SLC60A2: variants seen among roughly 807,000 people sequenced by gnomAD.
SLC60A2 encodes major facilitator superfamily domain containing 4B.
the SLC60A2 span, among the ~76,000 whole-genome samples, chr6:111,272,870 A>C: frequency 6.7e-6 from 1 of 148,718 alleles, no homozygotes; most frequent in Non-Finnish European, 1.5e-5. Context: ...TGCTCTTGTC[A>C]CCCAGGCTGG....
chr6:111,264,747 C>T, the SLC60A2 span, among the ~76,000 whole-genome samples: 74 of 149,178 alleles, frequency 5.0e-4, no homozygotes, highest in Non-Finnish European at 9.6e-4. Flanking sequence ...GAGATCACAC[C>T]ACTGCACTTC....
At chr6:111,278,268 G>T in the SLC60A2 span, 1 of 152,164 alleles carries the variant, frequency 6.6e-6, no homozygotes, top group Admixed American at 6.5e-5. Flanking sequence ...ATTCATAAAG[G>T]TTATGGCAAA....
At chr6:111,274,948 G>A in the SLC60A2 span, among the ~76,000 whole-genome samples, 1 of 152,048 alleles carries the variant, frequency 6.6e-6, no homozygotes. Flanking sequence ...TTAGAGACAG[G>A]ATCTCCCTCT....
the SLC60A2 span, chr6:111,270,136 A>T: frequency 1.3e-5 from 2 of 152,168 alleles, no homozygotes; most frequent in Non-Finnish European, 2.9e-5. Flanking sequence ...CTTCTCACAG[A>T]TGCCTCTCAC....
At chr6:111,259,993 C>T in the SLC60A2 span, among the ~76,000 whole-genome samples, 1 of 150,946 alleles carries the variant, frequency 6.6e-6, no homozygotes. Context: ...TCACTGCAAC[C>T]TCTGCCCCCA....
At chr6:111,259,813 T>G in the SLC60A2 span, 1 of 1,252,792 alleles carries the variant, frequency 8.0e-7, no homozygotes, top group Admixed American at 2.4e-5. Context: ...GCGCGTTACC[T>G]AATCTGACTG....
At chr6:111,276,652 TAC>T in the SLC60A2 span, among the ~76,000 whole-genome samples, 1 of 152,226 alleles carries the variant, frequency 6.6e-6, no homozygotes, top group African/African-American at 2.4e-5. Flanking sequence ...CAGTAGCAGG[TAC>T]AGCTTTGATC....
At chr6:111,266,147 A>C in the SLC60A2 span, 5 of 1,612,790 alleles carry the variant, frequency 3.1e-6, no homozygotes, top group Non-Finnish European at 4.2e-6. Flanking sequence ...ACATGTTCTT[A>C]GTTTCTGTCA....
the SLC60A2 span, among the ~76,000 whole-genome samples, chr6:111,277,228 C>T: frequency 6.6e-6 from 1 of 152,342 alleles, no homozygotes; most frequent in African/African-American, 2.4e-5. Flanking sequence ...TGAAAATTGG[C>T]AGGTCCTGGG....
chr6:111,261,905 A>G, the SLC60A2 span, among the ~76,000 whole-genome samples: 1 of 152,120 alleles, frequency 6.6e-6, no homozygotes, highest in South Asian at 2.1e-4. Flanking sequence ...TTAAATTTTT[A>G]ATACCCAAAT....
the SLC60A2 span, chr6:111,266,365 C>T: frequency 6.2e-7 from 1 of 1,614,110 alleles, no homozygotes; most frequent in South Asian, 1.1e-5. Flanking sequence ...AGTGAAGCTG[C>T]TGGGTTGAAC....
the SLC60A2 span, among the ~76,000 whole-genome samples, chr6:111,271,792 A>G: frequency 9.4e-6 from 1 of 105,914 alleles, no homozygotes; most frequent in Admixed American, 1.1e-4. Flanking sequence ...AAAAAAAAAA[A>G]AAAAAAAAAA....
At chr6:111,266,002 C>T in the SLC60A2 span, 1 of 1,614,100 alleles carries the variant, frequency 6.2e-7, no homozygotes, top group African/African-American at 1.3e-5. Context: ...TTGGGTCCGA[C>T]AGCGTCTGCT....
the SLC60A2 span, among the ~76,000 whole-genome samples, chr6:111,272,796 G>A: frequency 2.6e-5 from 4 of 151,208 alleles, no homozygotes; most frequent in Admixed American, 1.3e-4. Flanking sequence ...ACAGGTGTGA[G>A]CCACCGCACC....
chr6:111,265,599 C>T, the SLC60A2 span, among the ~76,000 whole-genome samples: 8 of 152,010 alleles, frequency 5.3e-5, no homozygotes, highest in East Asian at 3.9e-4. Context: ...TTATAAAAAG[C>T]GTCTTGCTAA....
chr6:111,262,255 A>C, the SLC60A2 span: 1 of 1,604,852 alleles, frequency 6.2e-7, no homozygotes, highest in South Asian at 1.1e-5. Context: ...TTTAAATTTT[A>C]GGGATTGAGT....
chr6:111,279,089 C>T, the SLC60A2 span, among the ~76,000 whole-genome samples: 4 of 152,124 alleles, frequency 2.6e-5, no homozygotes, highest in African/African-American at 9.7e-5. Context: ...AGTAACTCCT[C>T]CTCCCCAATC....
chr6:111,275,303 G>T, the SLC60A2 span, among the ~76,000 whole-genome samples: 1 of 151,912 alleles, frequency 6.6e-6, no homozygotes, highest in African/African-American at 2.4e-5. Context: ...ATTGCAGCTT[G>T]GTTTTGATAC....
At chr6:111,271,010 G>T in the SLC60A2 span, 1 of 117,932 alleles carries the variant, frequency 8.5e-6, no homozygotes, top group Non-Finnish European at 2.2e-5. Context: ...CAGTGGGTGA[G>T]TTATCGCAGA....
Sources: allele counts gnomAD v4.1 joint callset (sites outside exome capture counted in the v4.1 genomes callset), GRCh38; gene constraint gnomAD v4.1.1; transcripts MANE v1.5; gene names NCBI Gene and HGNC (gene_info 2026-07-23, HGNC 2026-07-21).